Variants in SORCS3 observed in about 807,000 individuals in gnomAD.
SORCS3 encodes sortilin related VPS10 domain containing receptor 3, also known as VPS10 domain-containing receptor SorCS3.
A neutral mutation model predicts 146.3 loss-of-function variants in SORCS3; 57 were observed. The ratio of observed to expected loss-of-function variants is 0.39; its 90% CI spans 0.31 to 0.49. The LOEUF (loss-of-function observed/expected upper bound fraction) is 0.49. Among genes scored for constraint, SORCS3 ranks in the 20% least tolerant of loss-of-function variants. The probability of loss-of-function intolerance (pLI) is 0.92; values close to 1 mark genes in which losing one functional copy is unlikely to be tolerated. For synonymous variants in SORCS3, 653 were observed against 618.5 expected, an observed-to-expected ratio of 1.06 and a Z score of -0.83; for missense variants, 1,341 against 1,575.5, an observed-to-expected ratio of 0.85 and a Z score of 2.52.
chr10:105,036,188 T>C (rs1211961022), intron 4 of SORCS3, among the ~76,000 whole-genome samples: 1 of 152,274 alleles, frequency 6.6e-6, no homozygotes, highest in East Asian at 1.9e-4. Flanking sequence ...GCCACAATTT[T>C]TGGGGAAGGA....
At chr10:105,237,560 C>T (rs575611521) in intron 20 of SORCS3, among the ~76,000 whole-genome samples, 1 of 152,276 alleles carries the variant, frequency 6.6e-6, no homozygotes, top group South Asian at 2.1e-4. Flanking sequence ...GTGCTATTTG[C>T]TAACACCATG....
intron 1 of SORCS3, among the ~76,000 whole-genome samples, chr10:104,754,977 C>A (rs1182287172): frequency 1.3e-5 from 2 of 152,000 alleles, no homozygotes; most frequent in African/African-American, 2.4e-5. Context: ...AGGGGGATGC[C>A]AAAGAAGAAA....
chr10:104,890,092 T>C (rs1331509079), intron 2 of SORCS3, among the ~76,000 whole-genome samples: 1 of 152,180 alleles, frequency 6.6e-6, no homozygotes, highest in Non-Finnish European at 1.5e-5. Flanking sequence ...TATATTCTTA[T>C]GTTTCTATCA....
chr10:105,218,497 T>TA (rs1344341094), intron 19 of SORCS3, among the ~76,000 whole-genome samples: 1 of 152,184 alleles, frequency 6.6e-6, no homozygotes, highest in Non-Finnish European at 1.5e-5. Context: ...GGGGTGCTGC[T>TA]ACAAATGAGC....
At chr10:104,773,158 A>G (rs2017271817) in intron 1 of SORCS3, among the ~76,000 whole-genome samples, 1 of 152,196 alleles carries the variant, frequency 6.6e-6, no homozygotes, top group Non-Finnish European at 1.5e-5. Flanking sequence ...CGAGGAGGTC[A>G]GTGAGGCTGG....
At chr10:104,906,720 T>C (rs1412969022) in intron 2 of SORCS3, among the ~76,000 whole-genome samples, 8 of 152,240 alleles carry the variant, frequency 5.3e-5, no homozygotes, top group African/African-American at 1.9e-4. Context: ...ACGCAGAAGC[T>C]TATCTGTAAC....
At chr10:105,104,674 C>T (rs1439028141) in intron 6 of SORCS3, among the ~76,000 whole-genome samples, 1 of 152,148 alleles carries the variant, frequency 6.6e-6, no homozygotes, top group Non-Finnish European at 1.5e-5. Flanking sequence ...TCCTTGAGTC[C>T]ATTTCTTTGC....
At chr10:104,770,793 T>C (rs12259898) in intron 1 of SORCS3, among the ~76,000 whole-genome samples, 5,617 of 152,088 alleles carry the variant, frequency 0.037, 328 homozygotes, top group African/African-American at 0.12. Flanking sequence ...TGATCCAGCC[T>C]CTGCACTCCA....
At chr10:105,029,597 C>T (rs867601755) in intron 4 of SORCS3, among the ~76,000 whole-genome samples, 3 of 152,238 alleles carry the variant, frequency 2.0e-5, no homozygotes, top group African/African-American at 7.2e-5. Flanking sequence ...GTCTTCCAAT[C>T]TCCTTTGTCA....
At chr10:104,947,747 C>T (rs1341814326) in intron 3 of SORCS3, among the ~76,000 whole-genome samples, 2 of 152,096 alleles carry the variant, frequency 1.3e-5, no homozygotes, top group Non-Finnish European at 2.9e-5. Context: ...CTCAGCCTCC[C>T]GAGTAGCTGG....
chr10:104,723,234 G>A (rs1183292431), intron 1 of SORCS3, among the ~76,000 whole-genome samples: 1 of 152,134 alleles, frequency 6.6e-6, no homozygotes, highest in African/African-American at 2.4e-5. Flanking sequence ...ATTTCATTAT[G>A]TACCCAGTAG....
At chr10:104,836,891 G>T (rs1259454836) in intron 1 of SORCS3, among the ~76,000 whole-genome samples, 1 of 151,390 alleles carries the variant, frequency 6.6e-6, no homozygotes, top group Admixed American at 6.6e-5. Context: ...AATTTAAAAA[G>T]AAAAAAAAGA....
chr10:104,900,523 C>T (rs942858432), intron 2 of SORCS3, among the ~76,000 whole-genome samples: 4 of 152,162 alleles, frequency 2.6e-5, no homozygotes, highest in Non-Finnish European at 5.9e-5. Context: ...GTTCAAGCTT[C>T]TTAGCAGATA....
intron 1 of SORCS3, among the ~76,000 whole-genome samples, chr10:104,841,982 G>A (rs1232134074): frequency 6.6e-6 from 1 of 152,220 alleles, no homozygotes; most frequent in Admixed American, 6.5e-5. Context: ...CTGCCCGGAT[G>A]CATGAGAGGC....
At chr10:104,761,602 A>G (rs902980881) in intron 1 of SORCS3, among the ~76,000 whole-genome samples, 1 of 152,194 alleles carries the variant, frequency 6.6e-6, no homozygotes, top group African/African-American at 2.4e-5. Context: ...CTTGCAGAGT[A>G]TCCAAGATCC....
At chr10:105,091,800 TG>T (rs1356174307) in intron 6 of SORCS3, among the ~76,000 whole-genome samples, 1 of 152,104 alleles carries the variant, frequency 6.6e-6, no homozygotes, top group African/African-American at 2.4e-5. Context: ...AAGAATGAGA[TG>T]TAGGGGTTTC....
chr10:104,774,210 G>A (rs1441134638), intron 1 of SORCS3, among the ~76,000 whole-genome samples: 2 of 152,132 alleles, frequency 1.3e-5, no homozygotes, highest in African/African-American at 4.8e-5. Flanking sequence ...AAATCTCGCA[G>A]CTGTCAGTGG....
chr10:105,223,367 C>T (rs977610558), intron 20 of SORCS3, 118 bp downstream of exon 20: 1 of 1,000,240 alleles, frequency 1.0e-6, no homozygotes, highest in African/African-American at 1.6e-5. Context: ...ACTTAATAAA[C>T]CTATGAGCCC....
chr10:105,105,625 C>G (rs2055815719), intron 7 of SORCS3, 110 bp downstream of exon 7: 2 of 756,102 alleles, frequency 2.6e-6, no homozygotes, highest in Non-Finnish European at 4.7e-6. Flanking sequence ...GGAGTTGAGA[C>G]ACTGTCCCTC....
Sources: gnomAD v4.1 joint callset for allele counts (sites outside exome capture counted in the v4.1 genomes callset) on GRCh38, gnomAD v4.1.1 for gene constraint, MANE v1.5 for transcripts, NCBI Gene and HGNC (gene_info 2026-07-23, HGNC 2026-07-21) for gene names.